The following CSMD2 variants were observed in gnomAD, a reference collection of about 807,000 sequenced individuals.
The protein encoded by CSMD2 is CUB and sushi domain-containing protein 2.
CSMD2 carries 130 observed loss-of-function variants against 398.5 expected under a neutral mutation model. That is an observed-to-expected ratio of 0.33 (90% CI 0.28 to 0.38). The LOEUF (loss-of-function observed/expected upper bound fraction) is 0.38. Ranked by LOEUF, CSMD2 falls within the 10% of genes least tolerant of loss-of-function variation. The probability of loss-of-function intolerance (pLI) is 1.00; values close to 1 mark genes in which losing one functional copy is unlikely to be tolerated. For missense variants in CSMD2, 3,829 were observed against 4,764.9 expected (o/e 0.80, Z 5.78); for synonymous variants, 1,828 against 1,908.5 (o/e 0.96, Z 1.10).
At chr1:33,911,783 ATTC>A (rs1161206625) in intron 5 of CSMD2, among the ~76,000 whole-genome samples, 1 of 152,204 alleles carries the variant, frequency 6.6e-6, no homozygotes, top group Non-Finnish European at 1.5e-5. Context: ...CAGGCATCCT[ATTC>A]TTCTGCAGGT....
chr1:33,601,728 T>TGGGAATAC (rs1640231893), intron 43 of CSMD2, among the ~76,000 whole-genome samples: 1 of 152,234 alleles, frequency 6.6e-6, no homozygotes, highest in Non-Finnish European at 1.5e-5. Context: ...AATGTAAAAT[T>TGGGAATAC]AACTCTTGTT....
At position 34,149,268 on chromosome 1, in the gene CSMD2, G is replaced by A. The variant is rs6659915; in HGVS notation, c.187+15643C>T. Reference sequence around the variant, plus strand: ...GGTCCTTCTACCCTGCCTGCTCCCCGCCCTGGGTCCGAGGTCCTGTTCCAG... The same window carrying A: ...GGTCCTTCTACCCTGCCTGCTCCCCACCCTGGGTCCGAGGTCCTGTTCCAG... On this transcript the variant is annotated intron_variant, in intron 1 of 70. Transcript: ENST00000373381. Among the ~76,000 whole-genome samples, 485 of 152,090 alleles carry A rather than the reference G, an allele frequency of 3.2e-3. 5 individuals are homozygous for A. Among genetic ancestry groups the A allele is most frequent in the Middle Eastern group, 0.027 (8 of 292 alleles).
chr1:33,745,131 G>A (rs1481408793), intron 13 of CSMD2, among the ~76,000 whole-genome samples: 1 of 152,160 alleles, frequency 6.6e-6, no homozygotes, highest in African/African-American at 2.4e-5. Flanking sequence ...TGATAAATAT[G>A]ACCCTGTAGA....
chr1:34,096,212 C>T (rs917202513), intron 1 of CSMD2, among the ~76,000 whole-genome samples: 15 of 152,050 alleles, frequency 9.9e-5, no homozygotes, highest in Middle Eastern at 3.4e-3. Flanking sequence ...ATTCAACAAC[C>T]CTTCATGCTA....
intron 1 of CSMD2, among the ~76,000 whole-genome samples, chr1:34,092,488 C>T (rs1337417421): frequency 6.6e-6 from 1 of 152,164 alleles, no homozygotes; most frequent in African/African-American, 2.4e-5. Context: ...GCATTTCCAT[C>T]TGAGGTACCA....
chr1:33,606,607 G>T (rs1047407698), intron 41 of CSMD2, among the ~76,000 whole-genome samples: 3 of 152,236 alleles, frequency 2.0e-5, no homozygotes, highest in African/African-American at 7.2e-5. Flanking sequence ...GGCAACGAAA[G>T]TCTCAGCGGA....
At chr1:34,161,996 C>A (rs997443855) in intron 1 of CSMD2, among the ~76,000 whole-genome samples, 1 of 150,078 alleles carries the variant, frequency 6.7e-6, no homozygotes, top group Non-Finnish European at 1.5e-5. Flanking sequence ...CATGGAGAAA[C>A]CCCCCTTCTC....
At chr1:33,526,263 A>G (rs1654763436) in intron 65 of CSMD2, among the ~76,000 whole-genome samples, 1 of 152,218 alleles carries the variant, frequency 6.6e-6, no homozygotes, top group Non-Finnish European at 1.5e-5. Context: ...GAAAACTGAC[A>G]TGTCAGTATA....
intron 3 of CSMD2, among the ~76,000 whole-genome samples, chr1:33,939,959 A>G (rs1256587983): frequency 1.3e-5 from 2 of 152,174 alleles, no homozygotes; most frequent in African/African-American, 4.8e-5. Flanking sequence ...GGGTGTTTTC[A>G]TTTGCTAGGA....
At chr1:33,749,516 A>G (rs1056625337) in intron 13 of CSMD2, among the ~76,000 whole-genome samples, 1 of 152,222 alleles carries the variant, frequency 6.6e-6, no homozygotes, top group African/African-American at 2.4e-5. Flanking sequence ...TAGTGTTTAT[A>G]CTTAAAAAGT....
chr1:34,165,399 G>T, upstream of CSMD2: 1 of 921,070 alleles, frequency 1.1e-6, no homozygotes, highest in Non-Finnish European at 1.4e-6. Context: ...GGGTGGAGGC[G>T]CAGCTAAGGA....
rs376484753 is a variant in CSMD2, at chr1:34,077,924, C to A, written c.404+11053G>T. Among the ~76,000 whole-genome samples the A allele has an allele frequency of 3.3e-5, 5 of 152,162 alleles. 1 individual carries two copies. The East Asian group carries it at 7.7e-4, about 24-fold the overall frequency. On this transcript the variant is annotated intron_variant, in intron 2 of 70. Coordinates refer to ENST00000373381, the MANE Select transcript of CSMD2 (RefSeq NM_001281956.2). ...CATGTAAAGAACCAGCACATGTAAC[C>A]TCCGAATCTAAAATAAAATAATTTT...
intron 29 of CSMD2, 30 bp downstream of exon 29, chr1:33,646,618 C>A (rs1643442896): frequency 6.2e-7 from 1 of 1,610,150 alleles, no homozygotes; most frequent in South Asian, 1.1e-5. Context: ...TGGACCTGTC[C>A]TCAGTACTCT....
At chr1:33,546,255 C>T (rs201456932) in intron 56 of CSMD2, 36 bp from the exon 57 acceptor site, 1 of 1,582,738 alleles carries the variant, frequency 6.3e-7, no homozygotes, top group East Asian at 2.3e-5. Flanking sequence ...CATTATTTTT[C>T]AGGGAAGAAA....
At chr1:33,908,055 C>T (rs1315038645) in intron 5 of CSMD2, among the ~76,000 whole-genome samples, 6 of 132,246 alleles carry the variant, frequency 4.5e-5, no homozygotes, top group African/African-American at 1.8e-4. Context: ...CATTGCACTC[C>T]AGCCTGGCTG....
At chr1:33,830,975 G>C (rs7539561) in intron 6 of CSMD2, among the ~76,000 whole-genome samples, 118,676 of 151,716 alleles carry the variant, frequency 0.78, 47,195 homozygotes, top group East Asian at 0.94. Flanking sequence ...AGAATAAAAA[G>C]AAACGAACAA....
At chr1:33,891,018 A>C (rs1245618163) in intron 5 of CSMD2, among the ~76,000 whole-genome samples, 1 of 152,216 alleles carries the variant, frequency 6.6e-6, no homozygotes, top group Non-Finnish European at 1.5e-5. Context: ...AAACACCAAA[A>C]GCAATGGCAA....
At chr1:33,824,448 T>G (rs1351714901) in intron 7 of CSMD2, among the ~76,000 whole-genome samples, 4 of 152,182 alleles carry the variant, frequency 2.6e-5, no homozygotes, top group Non-Finnish European at 4.4e-5. Context: ...CAACAGCCTG[T>G]GGCAACTGTC....
chr1:34,120,328 G>A (rs907946182), intron 1 of CSMD2, among the ~76,000 whole-genome samples: 1 of 152,164 alleles, frequency 6.6e-6, no homozygotes, highest in African/African-American at 2.4e-5. Flanking sequence ...TGGGTGTAGC[G>A]TTGTTGCAGT....
Sources: allele counts gnomAD v4.1 joint callset (sites outside exome capture counted in the v4.1 genomes callset), GRCh38; gene constraint gnomAD v4.1.1; transcripts MANE v1.5; gene names NCBI Gene and HGNC (gene_info 2026-07-23, HGNC 2026-07-21).